The following SLC35F3 variants were observed in gnomAD, a reference collection of about 807,000 sequenced individuals.
SLC35F3 encodes putative thiamine transporter SLC35F3.
SLC35F3 carries 25 observed loss-of-function variants against 49.9 expected under a neutral mutation model. The ratio of observed to expected loss-of-function variants is 0.50; its 90% CI spans 0.37 to 0.70. The LOEUF (loss-of-function observed/expected upper bound fraction) is 0.70, where lower values mean the gene tolerates loss of function less well. Among genes scored for constraint, SLC35F3 ranks in the 30% least tolerant of loss-of-function variants. The pLI is 0.00. For missense variants in SLC35F3, 525 were observed against 639.8 expected (o/e 0.82, Z 1.94); for synonymous variants, 275 against 265.4 (o/e 1.04, Z -0.35).
intron 3 of SLC35F3, among the ~76,000 whole-genome samples, chr1:234,234,127 C>T (rs1278145976): frequency 6.6e-6 from 1 of 152,204 alleles, no homozygotes; most frequent in Non-Finnish European, 1.5e-5. Flanking sequence ...TCACATCTTT[C>T]ATCTTCATGC....
In SLC35F3 at chr1:234,323,317, G is replaced by C; in HGVS notation, c.*74G>C. ...CCGGGAGGAACCTCAGTTGGGTAAG[G>C]TGTACATACCTGTACAGTTTTGGTC... is the stretch of plus-strand genomic sequence containing the variant. On this transcript the variant is annotated 3_prime_UTR_variant, in exon 8 of 8. Coordinates refer to ENST00000366618, the MANE Select transcript of SLC35F3 (RefSeq NM_173508.4). This position sits in a 1 kb window ranked among gnomAD's most constrained non-coding sequence, Gnocchi z 4.5. 1 of 1,328,990 alleles carries C rather than the reference G, an allele frequency of 7.5e-7. No homozygotes were observed. Among genetic ancestry groups the C allele is most frequent in the South Asian group, 1.3e-5 (1 of 77,676 alleles). 82.3% of individuals were successfully genotyped at this position (1,328,990 alleles called of 1,614,324 possible).
chr1:234,270,038 G>A (rs1402979273), intron 3 of SLC35F3, among the ~76,000 whole-genome samples: 1 of 151,984 alleles, frequency 6.6e-6, no homozygotes, highest in Non-Finnish European at 1.5e-5. Flanking sequence ...ACACTAAATG[G>A]ACCAAAACAC....
At chr1:234,130,642 CAA>C (rs35859323) in intron 2 of SLC35F3, among the ~76,000 whole-genome samples, 7 of 125,782 alleles carry the variant, frequency 5.6e-5, no homozygotes, top group Admixed American at 8.1e-5. Context: ...GAGACTCTGT[CAA>C]AAAAAAAAAA....
At chr1:234,166,202 T>C (rs1484004036) in intron 2 of SLC35F3, among the ~76,000 whole-genome samples, 1 of 152,088 alleles carries the variant, frequency 6.6e-6, no homozygotes, top group Non-Finnish European at 1.5e-5. Context: ...GAGCAGAAAG[T>C]ACAGAGAGTT....
At chr1:233,915,416 C>T (rs1001502285) in intron 2 of SLC35F3, among the ~76,000 whole-genome samples, 16 of 152,240 alleles carry the variant, frequency 1.1e-4, no homozygotes, top group East Asian at 5.8e-4. Context: ...AATGGTGGTG[C>T]GCACGTGTAG....
intron 2 of SLC35F3, among the ~76,000 whole-genome samples, chr1:234,161,602 A>AT: frequency 6.6e-6 from 1 of 152,090 alleles, no homozygotes; most frequent in Admixed American, 6.5e-5. Context: ...AAATACAAAA[A>AT]TTTTCCAGTT....
chr1:234,034,369 C>T (rs1219893687), intron 2 of SLC35F3, among the ~76,000 whole-genome samples: 1 of 152,132 alleles, frequency 6.6e-6, no homozygotes, highest in East Asian at 1.9e-4. Context: ...GCTAGGACTT[C>T]CAGTACTATG....
chr1:234,304,168 T>C (rs1319593723), intron 3 of SLC35F3, among the ~76,000 whole-genome samples: 1 of 151,900 alleles, frequency 6.6e-6, no homozygotes, highest in African/African-American at 2.4e-5. Flanking sequence ...TTTCTATTAA[T>C]TATTTTTTTT....
intron 2 of SLC35F3, among the ~76,000 whole-genome samples, chr1:233,954,877 T>C (rs1571995024): frequency 6.6e-6 from 1 of 152,176 alleles, no homozygotes; most frequent in African/African-American, 2.4e-5. Flanking sequence ...GGAGTCTCAC[T>C]CTGTTGCCCA....
At chr1:233,914,072 AACTGCCCTGT>A (rs1464828132) in intron 2 of SLC35F3, among the ~76,000 whole-genome samples, 4 of 152,122 alleles carry the variant, frequency 2.6e-5, no homozygotes, top group African/African-American at 9.7e-5. Flanking sequence ...AAGACCCCTT[AACTGCCCTGT>A]ACTACATCCT....
chr1:234,127,758 G>A (rs888721783), intron 2 of SLC35F3, among the ~76,000 whole-genome samples: 3 of 152,146 alleles, frequency 2.0e-5, no homozygotes, highest in African/African-American at 7.2e-5. Context: ...TTAAACACGA[G>A]TTTACATTAG....
At chr1:234,076,234 CG>C (rs1267042784) in intron 2 of SLC35F3, among the ~76,000 whole-genome samples, 2 of 148,528 alleles carry the variant, frequency 1.3e-5, no homozygotes, top group Non-Finnish European at 3.0e-5. Flanking sequence ...ACATTTTAAA[CG>C]TATTATCAAG....
At chr1:234,146,585 A>G (rs1666000902) in intron 2 of SLC35F3, among the ~76,000 whole-genome samples, 1 of 134,582 alleles carries the variant, frequency 7.4e-6, no homozygotes, top group African/African-American at 2.9e-5. Context: ...TCCACCTCCC[A>G]CTCACTGCAA....
chr1:234,318,651 C>T (rs1657546894), intron 5 of SLC35F3, 100 bp from the exon 6 acceptor site: 2 of 1,006,486 alleles, frequency 2.0e-6, no homozygotes. Context: ...TTCCATCCTG[C>T]AGTGCAAACC....
At chr1:234,164,345 TC>T (rs1176077192) in intron 2 of SLC35F3, among the ~76,000 whole-genome samples, 1 of 146,514 alleles carries the variant, frequency 6.8e-6, no homozygotes, top group Non-Finnish European at 1.5e-5. Context: ...TCTTTCTCTC[TC>T]CCCCCTCCCT....
In SLC35F3 at chr1:234,214,513, G is replaced by T; in HGVS notation, c.284-16904G>T. 1 of 1,545,802 alleles carries T rather than the reference G, an allele frequency of 6.5e-7. No homozygotes were observed. The highest frequency in any genetic ancestry group is 1.4e-5 in the African/African-American group (1 of 70,846). On this transcript the variant is annotated intron_variant, in intron 2 of 7. Transcript: ENST00000366618. The surrounding 1 kb of genome is among the most constrained non-coding windows in gnomAD (Gnocchi z 8.0). ...GCCGGCTCATCATGAAGAAGCACTC[G>T]GCCCGGGTGGCCCCGCTCAGCGCCT...
Position 234,069,661 on chromosome 1 carries a change from C to T in SLC35F3, c.284-161756C>T, listed in dbSNP as rs1489514929. Reference sequence around the variant, plus strand: ...TCTTCTTAGGCCTCACTCACAGGCTCATGGGAGCCCAGCCTCCCCCAGGGT... The same window carrying T: ...TCTTCTTAGGCCTCACTCACAGGCTTATGGGAGCCCAGCCTCCCCCAGGGT... On this transcript the variant is annotated intron_variant, in intron 2 of 7. Coordinates refer to ENST00000366618, the MANE Select transcript of SLC35F3 (RefSeq NM_173508.4). Among the ~76,000 whole-genome samples, 3 of 152,166 alleles carry T rather than the reference C, an allele frequency of 2.0e-5. No individual in the cohort carries two copies. In the East Asian group the frequency reaches 5.8e-4, roughly 29 times the overall value.
intron 4 of SLC35F3, 80 bp downstream of exon 4, chr1:234,309,400 G>A (rs1657294253): frequency 8.1e-7 from 1 of 1,239,616 alleles, no homozygotes; most frequent in Non-Finnish European, 1.2e-6. Flanking sequence ...TTAGCTCCAT[G>A]TGCTGGACCA....
chr1:234,169,168 T>C (rs1480032358), intron 2 of SLC35F3, among the ~76,000 whole-genome samples: 1 of 152,224 alleles, frequency 6.6e-6, no homozygotes, highest in African/African-American at 2.4e-5. Context: ...GCCCTTTTCT[T>C]CTATTCCAGC....
Sources: allele counts gnomAD v4.1 joint callset (sites outside exome capture counted in the v4.1 genomes callset), GRCh38; gene constraint gnomAD v4.1.1; non-coding constraint Gnocchi (gnomAD v3.1); transcripts MANE v1.5; gene names NCBI Gene and HGNC (gene_info 2026-07-23, HGNC 2026-07-21).